Variants in PIK3C2G observed in about 807,000 individuals in gnomAD.
The protein encoded by PIK3C2G is phosphatidylinositol-4-phosphate 3-kinase catalytic subunit type 2 gamma, also known as phosphatidylinositol 3-kinase C2 domain-containing subunit gamma.
A neutral mutation model predicts 181.1 loss-of-function variants in PIK3C2G; 168 were observed. The ratio of observed to expected loss-of-function variants is 0.93; its 90% CI spans 0.82 to 1.05. PIK3C2G has a LOEUF of 1.05. Ranked by LOEUF, PIK3C2G falls within the 50% of genes least tolerant of loss-of-function variation. PIK3C2G has a pLI of 0.00. For synonymous variants in PIK3C2G, 573 were observed against 592.2 expected, an observed-to-expected ratio of 0.97 and a Z score of 0.47; for missense variants, 1,869 against 1,732.8, an observed-to-expected ratio of 1.08 and a Z score of -1.40.
At chr12:18,705,636 C>T in the PIK3C2G span, among the ~76,000 whole-genome samples, 5 of 151,794 alleles carry the variant, frequency 3.3e-5, no homozygotes, top group East Asian at 1.9e-4. Context: ...GAGGCTGAGG[C>T]GGGCGGATCA....
chr12:18,535,239 A>C (rs966474132), intron 24 of PIK3C2G, among the ~76,000 whole-genome samples: 5 of 152,074 alleles, frequency 3.3e-5, no homozygotes, highest in Non-Finnish European at 5.9e-5. Flanking sequence ...TTTCATTTAT[A>C]GACAAGTTTA....
At chr12:18,539,500 C>G (rs776303529) in intron 25 of PIK3C2G, among the ~76,000 whole-genome samples, 1 of 151,692 alleles carries the variant, frequency 6.6e-6, no homozygotes, top group East Asian at 1.9e-4. Context: ...CCTCTAGTCA[C>G]GTTTGTTTAT....
chr12:18,463,524 A>G (rs1948033537), intron 18 of PIK3C2G, among the ~76,000 whole-genome samples: 1 of 152,192 alleles, frequency 6.6e-6, no homozygotes, highest in Admixed American at 6.6e-5. Flanking sequence ...GAGGAATAAT[A>G]CTTCCTAATT....
chr12:18,270,067 G>A (rs758501649), intron 1 of PIK3C2G, among the ~76,000 whole-genome samples: 4 of 151,594 alleles, frequency 2.6e-5, no homozygotes, highest in Non-Finnish European at 5.9e-5. Flanking sequence ...GAGCCACCAC[G>A]CCCGGCTAAT....
chr12:18,682,592 T>C, the PIK3C2G span, among the ~76,000 whole-genome samples: 3 of 152,002 alleles, frequency 2.0e-5, no homozygotes, highest in Non-Finnish European at 4.4e-5. Flanking sequence ...TTCAGAAACA[T>C]TGCAAATTAA....
intron 31 of PIK3C2G, among the ~76,000 whole-genome samples, chr12:18,620,561 GATAGATA>G (rs1948814240): frequency 1.3e-5 from 2 of 149,240 alleles, no homozygotes; most frequent in African/African-American, 5.2e-5. Flanking sequence ...TAGATAGATA[GATAGATA>G]GGTAACCATA....
At chr12:18,690,473 C>T in the PIK3C2G span, among the ~76,000 whole-genome samples, 1 of 152,128 alleles carries the variant, frequency 6.6e-6, no homozygotes, top group Non-Finnish European at 1.5e-5. Flanking sequence ...AATCTGCCCA[C>T]CTCAGCCTCC....
intron 8 of PIK3C2G, among the ~76,000 whole-genome samples, chr12:18,325,934 T>C (rs891282365): frequency 2.0e-4 from 30 of 152,074 alleles, no homozygotes; most frequent in African/African-American, 7.2e-4. Flanking sequence ...ATGGAGCCAT[T>C]AGGCAGAGTA....
chr12:18,390,697 C>A (rs1943478933), intron 14 of PIK3C2G, among the ~76,000 whole-genome samples: 1 of 152,030 alleles, frequency 6.6e-6, no homozygotes, highest in African/African-American at 2.4e-5. Flanking sequence ...TAGATTAACT[C>A]TATTTTTTCA....
chr12:18,598,631 A>G (rs1042710179), intron 30 of PIK3C2G, among the ~76,000 whole-genome samples: 41 of 149,582 alleles, frequency 2.7e-4, no homozygotes, highest in African/African-American at 9.7e-4. Flanking sequence ...TGGCAACAAA[A>G]GCCAAAATTG....
chr12:18,688,347 G>A, the PIK3C2G span: 1 of 896,272 alleles, frequency 1.1e-6, no homozygotes, highest in Non-Finnish European at 1.6e-6. Flanking sequence ...CATTGAAAGT[G>A]GAATACAATA....
At chr12:18,460,983 TCAAAA>T (rs752295263) in intron 18 of PIK3C2G, among the ~76,000 whole-genome samples, 78 of 152,254 alleles carry the variant, frequency 5.1e-4, no homozygotes, top group Non-Finnish European at 9.3e-4. Context: ...CGTAAAATGC[TCAAAA>T]CAAATTCCGG....
chr12:18,412,106 G>C (rs1322043669), intron 16 of PIK3C2G, among the ~76,000 whole-genome samples: 1 of 152,138 alleles, frequency 6.6e-6, no homozygotes, highest in Non-Finnish European at 1.5e-5. Flanking sequence ...TCTGAGATGA[G>C]AGGGACTGTA....
chr12:18,644,473 T>C (rs1210112833), intron 32 of PIK3C2G, among the ~76,000 whole-genome samples: 1 of 152,178 alleles, frequency 6.6e-6, no homozygotes, highest in East Asian at 1.9e-4. Context: ...TATATATTAT[T>C]CTGTTGTAAG....
At chr12:18,332,201 T>G (rs1447531167) in intron 8 of PIK3C2G, among the ~76,000 whole-genome samples, 1 of 152,148 alleles carries the variant, frequency 6.6e-6, no homozygotes, top group Non-Finnish European at 1.5e-5. Context: ...TGTGGTACCA[T>G]GACATTTCCC....
chr12:18,391,317 GAAGCATGATAGCTTCA>G, intron 15 of PIK3C2G, 65 bp downstream of exon 15: 1 of 1,258,010 alleles, frequency 7.9e-7, no homozygotes, highest in South Asian at 2.0e-5. Context: ...AATCATTCTT[GAAGCATGATAGCTTCA>G]AAGAGTGAGT....
At chr12:18,613,027 G>T (rs1213719215) in intron 31 of PIK3C2G, among the ~76,000 whole-genome samples, 2 of 152,018 alleles carry the variant, frequency 1.3e-5, no homozygotes, top group African/African-American at 4.8e-5. Flanking sequence ...CACCATTTCA[G>T]TTTATATGAC....
upstream of PIK3C2G, among the ~76,000 whole-genome samples, chr12:18,257,857 GAAAGA>G (rs1473303920): frequency 1.3e-5 from 2 of 151,458 alleles, no homozygotes; most frequent in Non-Finnish European, 2.9e-5. Flanking sequence ...GAGAAAGAAA[GAAAGA>G]AGATAGAAAA....
intron 18 of PIK3C2G, among the ~76,000 whole-genome samples, chr12:18,469,389 G>A (rs1031158929): frequency 1.3e-5 from 2 of 152,208 alleles, no homozygotes; most frequent in African/African-American, 4.8e-5. Context: ...CTGCTGGGGG[G>A]AAAATGTTTT....
Sources: gnomAD v4.1 joint callset for allele counts (sites outside exome capture counted in the v4.1 genomes callset) on GRCh38, gnomAD v4.1.1 for gene constraint, MANE v1.5 for transcripts, NCBI Gene and HGNC (gene_info 2026-07-23, HGNC 2026-07-21) for gene names.